The following CFAP61 variants were observed in gnomAD, a reference collection of about 807,000 sequenced individuals.
CFAP61 encodes cilia- and flagella-associated protein 61.
Under a neutral mutation model 135.6 loss-of-function variants are expected in CFAP61, and 107 were observed. The observed-to-expected ratio is 0.79, with a 90% CI of 0.67 to 0.93. The LOEUF (loss-of-function observed/expected upper bound fraction) is 0.93, where lower values mean the gene tolerates loss of function less well. CFAP61 is among the 40% of genes least tolerant of loss of function. CFAP61 has a pLI of 0.00. For synonymous variants in CFAP61, 575 were observed against 578.5 expected, an observed-to-expected ratio of 0.99 and a Z score of 0.09; for missense variants, 1,507 against 1,556.2, an observed-to-expected ratio of 0.97 and a Z score of 0.53.
chr20:20,212,175 G>A (rs17400348), intron 17 of CFAP61, among the ~76,000 whole-genome samples: 9,882 of 152,174 alleles, frequency 0.065, 365 homozygotes, highest in Middle Eastern at 0.13. Context: ...TAACAGCTCA[G>A]TACTTCCACC....
chr20:20,274,438 A>G (rs866912249), intron 21 of CFAP61, among the ~76,000 whole-genome samples: 43 of 152,308 alleles, frequency 2.8e-4, no homozygotes, highest in African/African-American at 1.0e-3. Flanking sequence ...AGGTGGGGAG[A>G]TCACTTGAGG....
rs2048885493 is a variant in CFAP61, at chr20:20,228,263, A to C, written c.1947A>C (p.Leu649Phe). The C allele has an allele frequency of 1.2e-6, 2 of 1,609,792 alleles. No homozygotes were observed. The highest frequency in any genetic ancestry group is 3.3e-5 in the Admixed American group (2 of 59,980). ...TTTTTTTCCAGATGAGTTATGCTTT[A>C]AACCATACAAACAGAAAACTAACAT... ...AVSKDPMSYA[L>F]NHTNRKLTLE... is the part of the protein sequence containing the mutation. Residue 649 changes from leucine (L) to phenylalanine (F), a missense_variant, in exon 18 of 27, where the codon TTA becomes TTC. Coordinates refer to ENST00000245957, the MANE Select transcript of CFAP61 (RefSeq NM_015585.4).
intron 24 of CFAP61, among the ~76,000 whole-genome samples, chr20:20,291,391 T>C (rs2054988107): frequency 6.6e-6 from 1 of 152,258 alleles, no homozygotes; most frequent in Admixed American, 6.5e-5. Context: ...TTTTCCAGAA[T>C]GTGATATAGT....
intron 6 of CFAP61, among the ~76,000 whole-genome samples, chr20:20,082,459 G>A (rs770563086): frequency 3.0e-4 from 46 of 152,162 alleles, no homozygotes; most frequent in Non-Finnish European, 5.6e-4. Flanking sequence ...ATAAAGCATA[G>A]CTACTTCTGG....
At chr20:20,154,316 C>T (rs763732994) in intron 9 of CFAP61, among the ~76,000 whole-genome samples, 37 of 152,082 alleles carry the variant, frequency 2.4e-4, no homozygotes, top group Non-Finnish European at 3.1e-4. Flanking sequence ...TGCACATTTT[C>T]ACCACTTTTA....
chr20:20,278,889 G>A (rs2053975214), intron 22 of CFAP61, among the ~76,000 whole-genome samples: 2 of 152,122 alleles, frequency 1.3e-5, no homozygotes, highest in African/African-American at 4.8e-5. Flanking sequence ...CTAGGTCCCA[G>A]GCTCTGTCCT....
Position 20,070,720 on chromosome 20 carries a change from C to T in CFAP61, c.144-134C>T, listed in dbSNP as rs1052406296. Reference sequence around the variant, plus strand: ...ACCCCAAAGTGGCTGCAATATCATTCTCACCTTTTCCAAAGATTATCTGAC... The same window carrying T: ...ACCCCAAAGTGGCTGCAATATCATTTTCACCTTTTCCAAAGATTATCTGAC... On this transcript the variant is annotated intron_variant, in intron 2 of 26. Transcript: ENST00000245957. The T allele has an allele frequency of 9.6e-6, 7 of 726,098 alleles. No homozygotes were observed. In the East Asian group the frequency reaches 1.4e-4, roughly 14 times the overall value. 45.0% of individuals were successfully genotyped at this position (726,098 alleles called of 1,614,324 possible).
intron 13 of CFAP61, among the ~76,000 whole-genome samples, chr20:20,170,631 G>T (rs1285853893): frequency 6.6e-6 from 1 of 152,188 alleles, no homozygotes; most frequent in African/African-American, 2.4e-5. Context: ...CTGATGAAAA[G>T]TTTGGTGGAG....
At position 20,056,758 on chromosome 20, in the gene CFAP61, C is replaced by G; in HGVS notation, c.105C>G (p.Thr35=). 6.2e-7 allele frequency: 1 copy of G among 1,613,970 alleles called. No individual in the cohort carries two copies. Among genetic ancestry groups the G allele is most frequent in the Non-Finnish European group, 8.5e-7 (1 of 1,179,866 alleles). The change falls in exon 2 of 27, where the codon ACC becomes ACG. Residue 35 remains threonine (T), a synonymous_variant. Transcript: ENST00000245957. ...TCAAAAGCCTTATTAGAAAATTTAC[C>G]TGCAAGCTGTTTGGGAAGCTAAATA... ...YCIKSLIRKF[T]CKLFGKLNII...
rs60171844 is a variant in CFAP61, at chr20:20,327,777, C to CAAAAAAAAAAAAAAAAAAAAAAAA, written c.3423-14049_3423-14026dup. On this transcript the variant is annotated intron_variant, in intron 25 of 26. Transcript: ENST00000245957. ...CCTGGGCAACAGAGCAAGAGCCTGT[C>CAAAAAAAAAAAAAAAAAAAAAAAA]AAAAAAAAAAAAAAAAAAAAAAAAA... 4.0e-4 allele frequency among the ~76,000 whole-genome samples: 24 copies of CAAAAAAAAAAAAAAAAAAAAAAAA among 60,350 alleles called. 2 individuals carry two copies. Among genetic ancestry groups the CAAAAAAAAAAAAAAAAAAAAAAAA allele is most frequent in the African/African-American group, 1.3e-3 (20 of 15,790 alleles). The allele number at this position is 60,350 out of a possible 152,430, so 39.6% of individuals were successfully genotyped here.
chr20:20,358,738 T>A (rs2059367620), intron 26 of CFAP61, among the ~76,000 whole-genome samples: 1 of 152,252 alleles, frequency 6.6e-6, no homozygotes, highest in African/African-American at 2.4e-5. Context: ...GTGTCTTGCT[T>A]AGCCAAGTGG....
At chr20:20,245,913 A>AT (rs2050419333) in intron 18 of CFAP61, among the ~76,000 whole-genome samples, 1 of 152,206 alleles carries the variant, frequency 6.6e-6, no homozygotes, top group African/African-American at 2.4e-5. Flanking sequence ...TTTTTGGAAG[A>AT]TTCTATAGTT....
At chr20:20,140,041 C>T (rs2051245871) in intron 8 of CFAP61, among the ~76,000 whole-genome samples, 1 of 147,992 alleles carries the variant, frequency 6.8e-6, no homozygotes, top group African/African-American at 2.5e-5. Flanking sequence ...CAAAAGTAAT[C>T]AATGATAGTA....
At chr20:20,290,521 G>A (rs564429592) in intron 24 of CFAP61, 130 bp downstream of exon 24, 29 of 664,004 alleles carry the variant, frequency 4.4e-5, no homozygotes, top group African/African-American at 1.8e-4. Flanking sequence ...TGGAGTAATC[G>A]TCCCCCAAGA....
intron 1 of CFAP61, among the ~76,000 whole-genome samples, chr20:20,055,518 A>C (rs1255697145): frequency 5.3e-5 from 8 of 152,314 alleles, no homozygotes; most frequent in African/African-American, 1.9e-4. Context: ...TTCTATCCCC[A>C]AAACCTGTGT....
intron 17 of CFAP61, 94 bp downstream of exon 17, chr20:20,199,996 C>T: frequency 7.0e-7 from 1 of 1,423,950 alleles, no homozygotes; most frequent in South Asian, 1.2e-5. Flanking sequence ...GAGCAGGCTG[C>T]TTCTTAATTA....
intron 7 of CFAP61, among the ~76,000 whole-genome samples, chr20:20,096,580 C>T (rs1373153768): frequency 2.0e-5 from 3 of 152,226 alleles, no homozygotes; most frequent in Non-Finnish European, 4.4e-5. Context: ...TTCAGGCCAT[C>T]GAAGTTTTGT....
chr20:20,208,009 C>T (rs953813821), intron 17 of CFAP61, among the ~76,000 whole-genome samples: 1 of 152,216 alleles, frequency 6.6e-6, no homozygotes, highest in Admixed American at 6.5e-5. Context: ...TGTTAAGCTG[C>T]AAGCCCCGCT....
intron 9 of CFAP61, among the ~76,000 whole-genome samples, chr20:20,148,132 T>G (rs1201974924): frequency 1.3e-5 from 2 of 152,132 alleles, no homozygotes; most frequent in East Asian, 1.9e-4. Context: ...TATACCAGTA[T>G]TATGCTGCTT....
Sources: allele counts gnomAD v4.1 joint callset (sites outside exome capture counted in the v4.1 genomes callset), GRCh38; gene constraint gnomAD v4.1.1; transcripts MANE v1.5; gene names NCBI Gene and HGNC (gene_info 2026-07-23, HGNC 2026-07-21).